Variants in SSH2 observed in about 807,000 individuals in gnomAD.
SSH2 encodes slingshot protein phosphatase 2.
Under a neutral mutation model 135.2 loss-of-function variants are expected in SSH2, and 37 were observed. The observed-to-expected ratio is 0.27, with a 90% CI of 0.21 to 0.36. SSH2 has a LOEUF of 0.36. Ranked by LOEUF, SSH2 falls within the 10% of genes least tolerant of loss-of-function variation. The pLI is 1.00. For synonymous variants in SSH2, 628 were observed against 646.2 expected (o/e 0.97, Z 0.43); for missense variants, 1,408 against 1,765.3 (o/e 0.80, Z 3.63).
At chr17:29,793,802 G>A (rs1306866068) in intron 3 of SSH2, 92 bp downstream of exon 3, 5 of 1,118,702 alleles carry the variant, frequency 4.5e-6, no homozygotes, top group Non-Finnish European at 6.7e-6. Context: ...AAGCTAATCT[G>A]ATAAGACTGA....
intron 5 of SSH2, among the ~76,000 whole-genome samples, chr17:29,690,264 G>T (rs952183395): frequency 1.3e-5 from 2 of 151,886 alleles, no homozygotes; most frequent in African/African-American, 4.8e-5. Flanking sequence ...AATTAGCCAG[G>T]CGTGGTGGCG....
chr17:29,817,513 T>C (rs1382161889), intron 2 of SSH2, among the ~76,000 whole-genome samples: 5 of 152,226 alleles, frequency 3.3e-5, no homozygotes, highest in Admixed American at 3.3e-4. Context: ...TCATCCATGA[T>C]ACTCAAAGTC....
chr17:29,707,097 G>T (rs1201984892), intron 3 of SSH2: 1 of 151,248 alleles, frequency 6.6e-6, no homozygotes, highest in Non-Finnish European at 1.5e-5. Context: ...AGCTTGCAGT[G>T]AGCCGAGATT....
At chr17:29,659,854 C>T (rs181251269) in intron 11 of SSH2, among the ~76,000 whole-genome samples, 9 of 148,088 alleles carry the variant, frequency 6.1e-5, no homozygotes, top group Admixed American at 4.8e-4. Flanking sequence ...TTTTTTGAGA[C>T]GGAGTCTCGC....
At chr17:29,870,635 G>A (rs1294874194) in intron 1 of SSH2, among the ~76,000 whole-genome samples, 3 of 152,200 alleles carry the variant, frequency 2.0e-5, no homozygotes, top group African/African-American at 7.2e-5. Flanking sequence ...ACATGTGAGT[G>A]AGGATACTGA....
At chr17:29,864,680 T>C (rs2065824512) in intron 1 of SSH2, among the ~76,000 whole-genome samples, 1 of 140,072 alleles carries the variant, frequency 7.1e-6, no homozygotes, top group Non-Finnish European at 1.6e-5. Context: ...TGTCATCTCC[T>C]TGAGGTAGTT....
intron 2 of SSH2, among the ~76,000 whole-genome samples, chr17:29,815,077 T>C (rs926039363): frequency 6.6e-6 from 1 of 150,938 alleles, no homozygotes; most frequent in African/African-American, 2.4e-5. Context: ...GCTACCCAAG[T>C]AGCTGGGATT....
chr17:29,914,775 C>T (rs1264202295), intron 1 of SSH2, among the ~76,000 whole-genome samples: 1 of 152,082 alleles, frequency 6.6e-6, no homozygotes, highest in African/African-American at 2.4e-5. Context: ...TAGATAACAA[C>T]AAACAACAGT....
chr17:29,856,823 T>G (rs2065671114), intron 1 of SSH2, among the ~76,000 whole-genome samples: 1 of 151,518 alleles, frequency 6.6e-6, no homozygotes, highest in African/African-American at 2.4e-5. Context: ...AATACACAAA[T>G]GAAAGCACAC....
rs533217871 is a variant in SSH2, at chr17:29,731,408, A to G, written c.189-28346T>C. ...AAATACCAACTAGGTTTTTCATAGC[A>G]GAAGTATTTTTTATTTATTTATTTA... On this transcript the variant is annotated intron_variant, in intron 3 of 15. Transcript: ENST00000540801. Among the ~76,000 whole-genome samples the G allele has an allele frequency of 5.4e-5, 8 of 148,734 alleles. No homozygotes were observed. In the South Asian group the frequency reaches 1.3e-3, roughly 24 times the overall value.
chr17:29,695,363 C>A, intron 5 of SSH2, 96 bp downstream of exon 5: 1 of 891,510 alleles, frequency 1.1e-6, no homozygotes, highest in South Asian at 1.6e-5. Flanking sequence ...TCACATAGTT[C>A]CCAGCACTGT....
chr17:29,893,673 A>G (rs982457871), intron 1 of SSH2, among the ~76,000 whole-genome samples: 1 of 152,140 alleles, frequency 6.6e-6, no homozygotes, highest in African/African-American at 2.4e-5. Flanking sequence ...CAGGAATGAG[A>G]CTATGACAAG....
chr17:29,893,253 A>G (rs1026575416), intron 1 of SSH2, among the ~76,000 whole-genome samples: 2 of 150,822 alleles, frequency 1.3e-5, no homozygotes, highest in Non-Finnish European at 3.0e-5. Flanking sequence ...TCCTAACTAG[A>G]GTACCTAGTC....
At chr17:29,849,987 G>A (rs1462249461) in intron 1 of SSH2, among the ~76,000 whole-genome samples, 3 of 133,256 alleles carry the variant, frequency 2.3e-5, no homozygotes, top group Non-Finnish European at 4.6e-5. Flanking sequence ...CTGAGATCAC[G>A]CCATTGCACT....
chr17:29,923,969 A>G (rs1380154950), intron 1 of SSH2, among the ~76,000 whole-genome samples: 1 of 152,220 alleles, frequency 6.6e-6, no homozygotes, highest in East Asian at 1.9e-4. Flanking sequence ...TGATATGGCA[A>G]TACATCTGTG....
At chr17:29,721,012 T>C (rs2151166739) in intron 3 of SSH2, among the ~76,000 whole-genome samples, 1 of 152,336 alleles carries the variant, frequency 6.6e-6, no homozygotes. Context: ...TTAAGCTTTC[T>C]TGATGTCCAA....
chr17:29,772,583 A>T (rs1433157895), intron 3 of SSH2, among the ~76,000 whole-genome samples: 30 of 152,138 alleles, frequency 2.0e-4, no homozygotes, highest in Admixed American at 2.0e-3. Context: ...TTTGTCTCTG[A>T]GGCTGTTTCC....
At chr17:29,754,927 G>C (rs945996768) in intron 3 of SSH2, among the ~76,000 whole-genome samples, 1 of 152,174 alleles carries the variant, frequency 6.6e-6, no homozygotes. Context: ...CCAAAGAATT[G>C]AGATTATAGG....
intron 3 of SSH2, among the ~76,000 whole-genome samples, chr17:29,720,796 A>G (rs1294031945): frequency 6.6e-6 from 1 of 152,238 alleles, no homozygotes; most frequent in African/African-American, 2.4e-5. Context: ...AGCAAAAGGC[A>G]AAGTCCAAAT....
Sources: gnomAD v4.1 joint callset for allele counts (sites outside exome capture counted in the v4.1 genomes callset) on GRCh38, gnomAD v4.1.1 for gene constraint, MANE v1.5 for transcripts, NCBI Gene and HGNC (gene_info 2026-07-23, HGNC 2026-07-21) for gene names.